The following SGCG variants were observed in gnomAD, a reference collection of about 807,000 sequenced individuals.
SGCG encodes sarcoglycan gamma.
SGCG carries 26 observed loss-of-function variants against 29.3 expected under a neutral mutation model. The ratio of observed to expected loss-of-function variants is 0.89; its 90% CI spans 0.65 to 1.23. The LOEUF (loss-of-function observed/expected upper bound fraction) is 1.23, where lower values mean the gene tolerates loss of function less well. Among genes scored for constraint, SGCG ranks in the 50% most tolerant of loss-of-function variants. SGCG has a pLI of 0.00. For missense variants in SGCG, 353 were observed against 356.0 expected, an observed-to-expected ratio of 0.99 and a Z score of 0.07; for synonymous variants, 145 against 129.7, an observed-to-expected ratio of 1.12 and a Z score of -0.80.
chr13:23,209,135 G>T (rs969588088), intron 2 of SGCG, among the ~76,000 whole-genome samples: 3 of 152,090 alleles, frequency 2.0e-5, no homozygotes, highest in African/African-American at 7.2e-5. Flanking sequence ...GATCAAGGAA[G>T]AATCATAATA....
At chr13:23,285,301 C>G (rs956614414) in intron 5 of SGCG, among the ~76,000 whole-genome samples, 3 of 152,184 alleles carry the variant, frequency 2.0e-5, no homozygotes, top group Non-Finnish European at 4.4e-5. Context: ...CAGAGATGCC[C>G]TGCCCAGAGA....
intron 4 of SGCG, among the ~76,000 whole-genome samples, chr13:23,273,285 A>G (rs1218367217): frequency 6.6e-6 from 1 of 152,078 alleles, no homozygotes; most frequent in Non-Finnish European, 1.5e-5. Context: ...CCTGGGTTCA[A>G]GCAATTCTCC....
intron 6 of SGCG, among the ~76,000 whole-genome samples, chr13:23,302,217 A>AG (rs1177468028): frequency 1.3e-5 from 2 of 151,584 alleles, no homozygotes; most frequent in African/African-American, 4.8e-5. Flanking sequence ...AGTGATTGAC[A>AG]GTATTTCATT....
intron 4 of SGCG, among the ~76,000 whole-genome samples, chr13:23,277,413 T>TA (rs66499459): frequency 8.6e-4 from 128 of 148,184 alleles, no homozygotes; most frequent in South Asian, 5.1e-3. Context: ...GTGAAGCTTT[T>TA]AAAAAAAAAA....
At chr13:23,213,151 AG>A (rs1190855692) in intron 2 of SGCG, among the ~76,000 whole-genome samples, 7 of 152,114 alleles carry the variant, frequency 4.6e-5, no homozygotes. Context: ...GCAAATAATT[AG>A]GGTTGCAATT....
At chr13:23,263,524 A>G (rs1342948206) in intron 4 of SGCG, among the ~76,000 whole-genome samples, 1 of 152,018 alleles carries the variant, frequency 6.6e-6, no homozygotes, top group Admixed American at 6.6e-5. Flanking sequence ...TCAGGGCTAG[A>G]CAGATTCACA....
intron 1 of SGCG, among the ~76,000 whole-genome samples, chr13:23,194,264 G>A (rs1877396748): frequency 6.6e-6 from 1 of 152,160 alleles, no homozygotes; most frequent in Non-Finnish European, 1.5e-5. Context: ...TTACCATGTT[G>A]GTAGAAGGTG....
chr13:23,318,465 T>A (rs1882914506), intron 6 of SGCG, among the ~76,000 whole-genome samples: 1 of 150,194 alleles, frequency 6.7e-6, no homozygotes, highest in Admixed American at 6.7e-5. Flanking sequence ...TATTTATATA[T>A]AATATATATT....
chr13:23,243,199 A>G (rs533415790), intron 3 of SGCG, among the ~76,000 whole-genome samples: 2 of 152,298 alleles, frequency 1.3e-5, no homozygotes, highest in South Asian at 4.1e-4. Context: ...AGGAGCTTTT[A>G]GTCTCACATA....
chr13:23,179,589 A>G (rs1876664685), upstream of SGCG, among the ~76,000 whole-genome samples: 3 of 152,312 alleles, frequency 2.0e-5, no homozygotes, highest in South Asian at 6.2e-4. Context: ...ATTTTTGTTT[A>G]AAATTGATAG....
rs764468720 is a variant in SGCG, at chr13:23,203,812, G to C, written c.118G>C (p.Val40Leu). The C allele has an allele frequency of 6.2e-7, 1 of 1,613,992 alleles. No homozygotes were observed. ...GAGAAAGCGCTGTCTCTACTTGTTT[G>C]TTCTTCTTTTACTCATCATCCTCGT... ...GWRKRCLYLF[V>L]LLLLIILVVN... Residue 40 changes from valine (V) to leucine (L), a missense_variant, in exon 2 of 8, where the codon GTT becomes CTT. Transcript: ENST00000218867.
chr13:23,182,521 G>C (rs1268648349), intron 1 of SGCG, among the ~76,000 whole-genome samples: 1 of 149,576 alleles, frequency 6.7e-6, no homozygotes, highest in South Asian at 2.2e-4. Flanking sequence ...TTCTTCTCCA[G>C]ACCTACTGCA....
upstream of SGCG, among the ~76,000 whole-genome samples, chr13:23,177,508 C>T (rs1196095090): frequency 1.4e-5 from 2 of 146,116 alleles, no homozygotes; most frequent in East Asian, 2.1e-4. Context: ...TAAATATATA[C>T]AATTAATATG....
intron 2 of SGCG, among the ~76,000 whole-genome samples, chr13:23,233,288 T>C (rs1039129551): frequency 1.3e-5 from 2 of 152,142 alleles, no homozygotes; most frequent in African/African-American, 4.8e-5. Context: ...CTAGAGGACA[T>C]TATGCTAAGT....
intron 4 of SGCG, among the ~76,000 whole-genome samples, chr13:23,263,398 G>A (rs908337450): frequency 6.6e-6 from 1 of 151,976 alleles, no homozygotes; most frequent in Non-Finnish European, 1.5e-5. Flanking sequence ...TAAATTCCTG[G>A]AAACAAACAA....
At position 23,263,883 on chromosome 13, in the gene SGCG, C is replaced by A. The variant is rs1195064562; in HGVS notation, c.385+13166C>A. ...ATTAAACAAAATCTAGCATTCTTTT[C>A]TGATAAAAACCCTCAACCAACTAGG... On this transcript the variant is annotated intron_variant, in intron 4 of 7. Transcript: ENST00000218867. Among the ~76,000 whole-genome samples the A allele has an allele frequency of 2.6e-5, 4 of 152,036 alleles. No homozygotes were observed. The South Asian group carries it at 8.3e-4, about 32-fold the overall frequency.
intron 4 of SGCG, among the ~76,000 whole-genome samples, chr13:23,274,370 G>A (rs1880981050): frequency 1.4e-5 from 2 of 145,036 alleles, no homozygotes; most frequent in South Asian, 4.6e-4. Context: ...GTAATGCAAG[G>A]GTGTGTTTTT....
intron 5 of SGCG, among the ~76,000 whole-genome samples, chr13:23,289,575 G>A (rs1017659662): frequency 3.3e-5 from 5 of 152,070 alleles, no homozygotes; most frequent in Non-Finnish European, 7.4e-5. Flanking sequence ...TGTATGTGGC[G>A]TTTGGCTGGA....
intron 1 of SGCG, among the ~76,000 whole-genome samples, chr13:23,196,777 G>T (rs914898837): frequency 6.7e-6 from 1 of 149,678 alleles, no homozygotes; most frequent in African/African-American, 2.5e-5. Context: ...TTTCTGAAAT[G>T]TTGGAGCTCT....
Sources: allele counts gnomAD v4.1 joint callset (sites outside exome capture counted in the v4.1 genomes callset), GRCh38; gene constraint gnomAD v4.1.1; transcripts MANE v1.5; gene names NCBI Gene and HGNC (gene_info 2026-07-23, HGNC 2026-07-21).